Variants in KCNMB2 observed in about 807,000 individuals in gnomAD.
KCNMB2 encodes the protein calcium-activated potassium channel subunit beta-2.
Under a neutral mutation model 24.5 loss-of-function variants are expected in KCNMB2, and 9 were observed. The observed-to-expected ratio is 0.37, with a 90% CI of 0.22 to 0.64. The LOEUF (loss-of-function observed/expected upper bound fraction) is 0.64, where lower values mean the gene tolerates loss of function less well. Among genes scored for constraint, KCNMB2 ranks in the 30% least tolerant of loss-of-function variants. The pLI is 0.63. For missense variants in KCNMB2, 226 were observed against 284.3 expected (o/e 0.79, Z 1.47); for synonymous variants, 109 against 104.4 (o/e 1.04, Z -0.27).
chr3:178,606,959 C>A (rs889292718), intron 1 of KCNMB2, among the ~76,000 whole-genome samples: 4 of 152,188 alleles, frequency 2.6e-5, no homozygotes, highest in African/African-American at 9.7e-5. Context: ...TAGTCCCTCA[C>A]TAGACATTGA....
intron 1 of KCNMB2, among the ~76,000 whole-genome samples, chr3:178,626,675 G>A (rs1171320754): frequency 6.6e-6 from 1 of 152,016 alleles, no homozygotes; most frequent in Non-Finnish European, 1.5e-5. Context: ...GGAACAGCAT[G>A]GGGTAAACTG....
intron 1 of KCNMB2, among the ~76,000 whole-genome samples, chr3:178,714,583 T>G (rs1328103879): frequency 2.0e-5 from 3 of 152,146 alleles, no homozygotes; most frequent in Non-Finnish European, 4.4e-5. Flanking sequence ...GGTTAGTGAA[T>G]GACAAGGAAC....
intron 1 of KCNMB2, among the ~76,000 whole-genome samples, chr3:178,681,705 C>A (rs972284114): frequency 1.1e-4 from 16 of 152,182 alleles, no homozygotes; most frequent in African/African-American, 3.6e-4. Flanking sequence ...CTACCTGAAG[C>A]TTTGTTGCCA....
chr3:178,606,489 T>G (rs1161435873), intron 1 of KCNMB2, among the ~76,000 whole-genome samples: 2 of 114,002 alleles, frequency 1.8e-5, no homozygotes, highest in Non-Finnish European at 3.7e-5. Flanking sequence ...TTTTTTTTTT[T>G]GTGGAAATTT....
At chr3:178,601,345 A>T (rs1294852650) in intron 1 of KCNMB2, among the ~76,000 whole-genome samples, 3 of 152,116 alleles carry the variant, frequency 2.0e-5, no homozygotes, top group African/African-American at 4.8e-5. Flanking sequence ...AAGTATAATA[A>T]AAATAAATAA....
Position 178,828,385 on chromosome 3 carries a change from G to A in KCNMB2, c.423+12G>A, listed in dbSNP as rs752789139. On this transcript the variant is annotated intron_variant, in intron 4 of 4. Coordinates refer to ENST00000452583, the MANE Select transcript of KCNMB2 (RefSeq NM_181361.3). The stretch of plus-strand genomic sequence containing the variant: ...AAATCAATCAGAAGGTAGGAACTTG[G>A]CGTACTGCATTTCAGTTACCCCACA... 1.4e-5 allele frequency: 22 copies of A among 1,602,290 alleles called. No homozygotes were observed. Among genetic ancestry groups the A allele is most frequent in the Non-Finnish European group, 1.7e-5 (20 of 1,170,894 alleles).
intron 1 of KCNMB2, among the ~76,000 whole-genome samples, chr3:178,756,819 C>G (rs1156740409): frequency 6.6e-6 from 1 of 152,046 alleles, no homozygotes; most frequent in Admixed American, 6.6e-5. Context: ...TTAGAGTTAA[C>G]AGCATTAAAA....
intron 2 of KCNMB2, among the ~76,000 whole-genome samples, chr3:178,816,375 A>AT (rs1240761155): frequency 6.6e-6 from 1 of 151,612 alleles, no homozygotes. Context: ...GCCCTTTTCT[A>AT]TTTTTTCCTT....
At chr3:178,783,201 G>A (rs1212786702) in intron 1 of KCNMB2, among the ~76,000 whole-genome samples, 13 of 152,042 alleles carry the variant, frequency 8.6e-5, no homozygotes, top group African/African-American at 2.9e-4. Flanking sequence ...GTAGCCTTGT[G>A]GTATAGTTTG....
chr3:178,702,214 T>C lies in KCNMB2; in HGVS notation c.-67-105129T>C, dbSNP rs890545214. Among the ~76,000 whole-genome samples, 7 of 138,882 alleles carry C rather than the reference T, an allele frequency of 5.0e-5. No homozygotes were observed. The Admixed American group carries it at 5.7e-4, about 11-fold the overall frequency. 91.1% of individuals were successfully genotyped at this position (138,882 alleles called of 152,430 possible). Reference sequence around the variant, plus strand: ...ACCAAACACCGCATGTTCTCACTCATAGGTGGGAACTGAACAATGAGAACA... The same window carrying C: ...ACCAAACACCGCATGTTCTCACTCACAGGTGGGAACTGAACAATGAGAACA... On this transcript the variant is annotated intron_variant, in intron 1 of 4. Coordinates refer to ENST00000452583, the MANE Select transcript of KCNMB2 (RefSeq NM_181361.3).
intron 1 of KCNMB2, among the ~76,000 whole-genome samples, chr3:178,756,830 C>T (rs1228696061): frequency 6.6e-6 from 1 of 152,052 alleles, no homozygotes; most frequent in Non-Finnish European, 1.5e-5. Flanking sequence ...AGCATTAAAA[C>T]TCATGCCTGA....
chr3:178,676,509 C>T (rs1721075365), intron 1 of KCNMB2, among the ~76,000 whole-genome samples: 1 of 152,192 alleles, frequency 6.6e-6, no homozygotes, highest in South Asian at 2.1e-4. Context: ...CCACCATTCT[C>T]TCCAAGCACA....
At position 178,751,903 on chromosome 3, in the gene KCNMB2, C is replaced by T. The variant is rs528009214; in HGVS notation, c.-67-55440C>T. 4.6e-5 allele frequency among the ~76,000 whole-genome samples: 7 copies of T among 152,314 alleles called. No homozygotes were observed. In the South Asian group the frequency reaches 8.3e-4, roughly 18 times the overall value. On this transcript the variant is annotated intron_variant, in intron 1 of 4. Transcript: ENST00000452583. ...CAGATGTTACTTCTCTTAGCCCTCA[C>T]GGCAATCATTGAAAGAAGAAATTAG...
chr3:178,733,519 C>T (rs1476528306), intron 1 of KCNMB2, among the ~76,000 whole-genome samples: 8 of 152,128 alleles, frequency 5.3e-5, no homozygotes, highest in South Asian at 2.1e-4. Flanking sequence ...CTCGCTCCGT[C>T]GCCCAGGCTG....
chr3:178,769,756 C>A (rs1384639302), intron 1 of KCNMB2, among the ~76,000 whole-genome samples: 1 of 152,090 alleles, frequency 6.6e-6, no homozygotes, highest in Admixed American at 6.6e-5. Context: ...GAATAGCCAA[C>A]AAATTTTTAT....
intron 1 of KCNMB2, among the ~76,000 whole-genome samples, chr3:178,557,395 C>G (rs187727842): frequency 1.2e-3 from 181 of 152,248 alleles, no homozygotes; most frequent in Non-Finnish European, 2.1e-3. Context: ...TTTAGAAAGA[C>G]TTTGAAAGGA....
chr3:178,574,046 T>A (rs1716904534), intron 1 of KCNMB2, among the ~76,000 whole-genome samples: 1 of 152,172 alleles, frequency 6.6e-6, no homozygotes. Context: ...AAAATTATGT[T>A]CTAATGTTAG....
chr3:178,723,180 A>G (rs1417043889), intron 1 of KCNMB2, among the ~76,000 whole-genome samples: 1 of 152,198 alleles, frequency 6.6e-6, no homozygotes, highest in African/African-American at 2.4e-5. Flanking sequence ...TCATTTTCAT[A>G]TATAATGGTT....
At chr3:178,556,819 C>T (rs1411870859) in intron 1 of KCNMB2, among the ~76,000 whole-genome samples, 1 of 152,010 alleles carries the variant, frequency 6.6e-6, no homozygotes, top group African/African-American at 2.4e-5. Context: ...TTGGGAATGT[C>T]AGGCCCTAAA....
Sources: gnomAD v4.1 joint callset for allele counts (sites outside exome capture counted in the v4.1 genomes callset) on GRCh38, gnomAD v4.1.1 for gene constraint, MANE v1.5 for transcripts, NCBI Gene and HGNC (gene_info 2026-07-23, HGNC 2026-07-21) for gene names.